Variants in TCERG1L observed in about 807,000 individuals in gnomAD.
TCERG1L encodes transcription elongation regulator 1 like.
A neutral mutation model predicts 56.3 loss-of-function variants in TCERG1L; 37 were observed. The ratio of observed to expected loss-of-function variants is 0.66; its 90% CI spans 0.51 to 0.87. The LOEUF is 0.87. TCERG1L is among the 40% of genes least tolerant of loss of function. The pLI is 0.00. For synonymous variants in TCERG1L, 324 were observed against 326.3 expected, an observed-to-expected ratio of 0.99 and a Z score of 0.08; for missense variants, 799 against 774.2, an observed-to-expected ratio of 1.03 and a Z score of -0.38.
At chr10:131,152,173 T>C (rs1390585411) in intron 6 of TCERG1L, among the ~76,000 whole-genome samples, 3 of 152,252 alleles carry the variant, frequency 2.0e-5, no homozygotes, top group African/African-American at 7.2e-5. Flanking sequence ...CTTGAATTTT[T>C]CCCCAGAAAA....
chr10:131,195,707 C>T (rs191403972), intron 4 of TCERG1L, among the ~76,000 whole-genome samples: 55 of 152,326 alleles, frequency 3.6e-4, no homozygotes, highest in African/African-American at 1.1e-3. Context: ...CTTCCCTCGG[C>T]CTGCTGTGTC....
chr10:131,131,259 C>G (rs1340242417), intron 8 of TCERG1L, among the ~76,000 whole-genome samples: 5 of 152,082 alleles, frequency 3.3e-5, no homozygotes, highest in Non-Finnish European at 7.3e-5. Flanking sequence ...ACCCTGCACA[C>G]GTGAGGTCAG....
intron 11 of TCERG1L, 100 bp from the exon 12 acceptor site, chr10:131,093,418 C>CA (rs1845202997): frequency 6.9e-7 from 1 of 1,439,154 alleles, no homozygotes; most frequent in African/African-American, 1.4e-5. Flanking sequence ...CCAGCCCTTC[C>CA]ACCAGGCCTG....
rs141424868 is a variant in TCERG1L, at chr10:131,166,780, C to T, written c.945+17G>A. 111 of 1,613,380 alleles carry T rather than the reference C, an allele frequency of 6.9e-5. No homozygotes were observed. The highest frequency in any genetic ancestry group is 6.7e-4 in the African/African-American group (50 of 75,048). ...GGGTTTTGTGTCTTTAACACACACA[C>T]GAGCCCCGAAACTGACCTTGTCTTC... On this transcript the variant is annotated intron_variant, in intron 5 of 11. Coordinates refer to ENST00000368642, the MANE Select transcript of TCERG1L (RefSeq NM_174937.4).
chr10:131,131,787 T>C (rs1025439144), intron 8 of TCERG1L, among the ~76,000 whole-genome samples: 5 of 152,250 alleles, frequency 3.3e-5, no homozygotes, highest in Non-Finnish European at 7.3e-5. Context: ...ATCAGGCTGC[T>C]GATGAGTCAC....
rs577235891 is a variant in TCERG1L at position 131,167,100 on chromosome 10, G to C, written c.857-215C>G. ...GATGCACCTGACAATGGGTTTGCAGGGGCCAGAGGCCTGGGCACACACATG... is the reference window on the plus strand; with the variant it reads ...GATGCACCTGACAATGGGTTTGCAGCGGCCAGAGGCCTGGGCACACACATG... On this transcript the variant is annotated intron_variant, in intron 4 of 11. Transcript: ENST00000368642. Among the ~76,000 whole-genome samples, 3 of 152,324 alleles carry C rather than the reference G, an allele frequency of 2.0e-5. No homozygotes were observed. In the East Asian group the frequency reaches 5.8e-4, roughly 29 times the overall value.
At chr10:131,130,980 T>A (rs1253136337) in intron 8 of TCERG1L, among the ~76,000 whole-genome samples, 1 of 152,110 alleles carries the variant, frequency 6.6e-6, no homozygotes, top group African/African-American at 2.4e-5. Flanking sequence ...ACTGAAAACA[T>A]GCCCACCTTC....
intron 4 of TCERG1L, among the ~76,000 whole-genome samples, chr10:131,254,697 G>A (rs1564826699): frequency 6.6e-6 from 1 of 152,208 alleles, no homozygotes; most frequent in Non-Finnish European, 1.5e-5. Flanking sequence ...GTGCCGAGGG[G>A]CTGGAGAGGA....
At chr10:131,134,312 T>G in intron 8 of TCERG1L, 67 bp downstream of exon 8, 2 of 1,428,776 alleles carry the variant, frequency 1.4e-6, no homozygotes, top group African/African-American at 1.4e-5. Context: ...AAATGATGCC[T>G]TTTCTTTCTA....
intron 3 of TCERG1L, among the ~76,000 whole-genome samples, chr10:131,306,770 T>G (rs1287243057): frequency 6.6e-6 from 1 of 152,152 alleles, no homozygotes; most frequent in East Asian, 1.9e-4. Context: ...CACACAATAG[T>G]AAGTAAATGA....
At chr10:131,166,217 T>C (rs1433956600) in intron 5 of TCERG1L, among the ~76,000 whole-genome samples, 2 of 152,172 alleles carry the variant, frequency 1.3e-5, no homozygotes, top group African/African-American at 2.4e-5. Context: ...AAGTAAGAGA[T>C]AATGTTGACA....
intron 9 of TCERG1L, among the ~76,000 whole-genome samples, chr10:131,116,261 C>G (rs1309040965): frequency 6.6e-6 from 1 of 152,184 alleles, no homozygotes; most frequent in Non-Finnish European, 1.5e-5. Context: ...ATTTAAAAAA[C>G]AGTCACGTTC....
chr10:131,173,539 G>T (rs913399518), intron 4 of TCERG1L, among the ~76,000 whole-genome samples: 3 of 152,234 alleles, frequency 2.0e-5, no homozygotes, highest in Admixed American at 2.0e-4. Context: ...GAGAACCAAA[G>T]TATCTAAGGG....
At chr10:131,305,954 T>C (rs2133586392) in intron 3 of TCERG1L, among the ~76,000 whole-genome samples, 1 of 152,262 alleles carries the variant, frequency 6.6e-6, no homozygotes, top group East Asian at 1.9e-4. Flanking sequence ...TATAAATTTA[T>C]CAATTCATAA....
intron 3 of TCERG1L, among the ~76,000 whole-genome samples, chr10:131,297,705 A>G (rs1355626395): frequency 6.6e-6 from 1 of 152,164 alleles, no homozygotes; most frequent in Non-Finnish European, 1.5e-5. Context: ...TCAGGGATTG[A>G]ATGTTTTCCT....
In TCERG1L at chr10:131,213,991, G is replaced by GC. The variant is rs140964305; in HGVS notation, c.856+46267dup. Among the ~76,000 whole-genome samples the GC allele has an allele frequency of 2.3e-3, 354 of 152,236 alleles. 1 individual carries two copies. The highest frequency in any genetic ancestry group is 8.2e-3 in the African/African-American group (341 of 41,528). ...AGTCAGTCAGTTTAACTCAGCAGAG[G>GC]CCCACTACTTATCCAGGGATACAAA... On this transcript the variant is annotated intron_variant, in intron 4 of 11. Coordinates refer to ENST00000368642, the MANE Select transcript of TCERG1L (RefSeq NM_174937.4).
intron 4 of TCERG1L, among the ~76,000 whole-genome samples, chr10:131,252,075 C>T (rs1370032703): frequency 6.6e-6 from 1 of 152,214 alleles, no homozygotes; most frequent in Non-Finnish European, 1.5e-5. Flanking sequence ...CATGCTGAAG[C>T]AGGTGCCAGC....
In TCERG1L at chr10:131,093,321, G is replaced by GA. The variant is rs1564789908; in HGVS notation, c.1605-4dup. ...CTGCAAACTCCTTAAACGTGGTCCT[G>GA]AAAAAGAAAGAGTTTCCTGAGACAC... On this transcript the variant is annotated splice_polypyrimidine_tract_variant and splice_region_variant and intron_variant, in intron 11 of 11. Coordinates refer to ENST00000368642, the MANE Select transcript of TCERG1L (RefSeq NM_174937.4). 1.9e-6 allele frequency: 3 copies of GA among 1,611,008 alleles called. No homozygotes were observed. Among genetic ancestry groups the GA allele is most frequent in the Admixed American group, 1.7e-5 (1 of 59,302 alleles).
chr10:131,095,352 G>A (rs1186142367), intron 11 of TCERG1L: 1 of 153,048 alleles, frequency 6.5e-6, no homozygotes, highest in East Asian at 1.9e-4. Flanking sequence ...CTGTCCAGGA[G>A]TGTTCTGGAC....
Sources: gnomAD v4.1 joint callset for allele counts (sites outside exome capture counted in the v4.1 genomes callset) on GRCh38, gnomAD v4.1.1 for gene constraint, MANE v1.5 for transcripts, NCBI Gene and HGNC (gene_info 2026-07-23, HGNC 2026-07-21) for gene names.